ATAD2B: variants seen among roughly 807,000 people sequenced by gnomAD.
ATAD2B encodes the protein ATPase family AAA domain-containing protein 2B.
In ATAD2B, 40 loss-of-function variants were observed where a neutral mutation model predicts 167.6. That is an observed-to-expected ratio of 0.24 (90% CI 0.19 to 0.31). ATAD2B has a LOEUF of 0.31. Among genes scored for constraint, ATAD2B ranks in the 10% least tolerant of loss-of-function variants. ATAD2B has a pLI of 1.00. For missense variants in ATAD2B, 1,242 were observed against 1,757.2 expected, an observed-to-expected ratio of 0.71 and a Z score of 5.24; for synonymous variants, 579 against 596.5, an observed-to-expected ratio of 0.97 and a Z score of 0.43.
In ATAD2B at chr2:23,916,047, T is replaced by C. The variant is rs75412545; in HGVS notation, c.216+10508A>G. On this transcript the variant is annotated intron_variant, in intron 1 of 27. Coordinates refer to ENST00000238789, the MANE Select transcript of ATAD2B (RefSeq NM_017552.4). ...ACTAATTACATTAATAAGTAAAATT[T>C]TGTAACATAGTTTTATACCTTCTGT... Among the ~76,000 whole-genome samples the C allele has an allele frequency of 2.1e-3, 321 of 152,208 alleles. 6 individuals carry two copies. In the East Asian group the frequency reaches 0.05, roughly 24 times the overall value.
chr2:23,702,355 C>T, the ATAD2B span, among the ~76,000 whole-genome samples: 1 of 152,192 alleles, frequency 6.6e-6, no homozygotes, highest in Non-Finnish European at 1.5e-5. Context: ...TAACACAAAG[C>T]CTATTTTATA....
intron 18 of ATAD2B, among the ~76,000 whole-genome samples, chr2:23,799,409 C>T (rs1419564975): frequency 1.3e-5 from 2 of 151,458 alleles, no homozygotes. Flanking sequence ...TCCACCTCTA[C>T]TAAAAATCCA....
rs1680271522 is a variant in ATAD2B at position 23,782,944 on chromosome 2, C to T, written c.3058G>A (p.Ala1020Thr). The T allele has an allele frequency of 6.2e-7, 1 of 1,607,818 alleles. No homozygotes were observed. The highest frequency in any genetic ancestry group is 1.3e-5 in the African/African-American group (1 of 74,870). ...TCAATATCTTTCAGGAAATCCTTTG[C>T]AGTCAGGTAATTATGTTTATCAATT... Reference protein sequence around the residue: ...TKIDKHNYLTAKDFLKDIDLI... With the variant: ...TKIDKHNYLTTKDFLKDIDLI... The change falls in exon 22 of 28, where the codon GCA (alanine) becomes ACA (threonine). Residue 1020 changes from alanine to threonine, a missense_variant. Ala to Thr is a moderately conservative substitution (Grantham distance 58). This residue lies in a region of ATAD2B where 204 missense variants were observed against 324.0 expected (regional missense o/e 0.63). Transcript: ENST00000238789.
intron 18 of ATAD2B, among the ~76,000 whole-genome samples, chr2:23,803,713 T>G (rs1683884116): frequency 6.6e-6 from 1 of 152,228 alleles, no homozygotes; most frequent in Non-Finnish European, 1.5e-5. Context: ...TGTATATTCT[T>G]GTGCATGTAT....
the ATAD2B span, among the ~76,000 whole-genome samples, chr2:23,712,895 G>A: frequency 1.3e-5 from 2 of 152,138 alleles, no homozygotes; most frequent in African/African-American, 2.4e-5. Flanking sequence ...AGAAAATGAG[G>A]ACAGCCTTTG....
intron 1 of ATAD2B, among the ~76,000 whole-genome samples, chr2:23,909,126 T>C (rs541557708): frequency 2.7e-4 from 36 of 135,774 alleles, no homozygotes; most frequent in Non-Finnish European, 4.8e-4. Context: ...AAACTTAAAG[T>C]ATAATAATAA....
intron 6 of ATAD2B, chr2:23,883,729 TAA>T: frequency 8.8e-6 from 5 of 565,842 alleles, no homozygotes; most frequent in Non-Finnish European, 1.4e-5. Context: ...ACAGAATTTT[TAA>T]AAAACATAGT....
chr2:23,828,087 T>C (rs1034246773), intron 15 of ATAD2B, among the ~76,000 whole-genome samples: 13 of 151,896 alleles, frequency 8.6e-5, no homozygotes, highest in African/African-American at 2.9e-4. Context: ...TTTTTTTTTA[T>C]TTATATTTTT....
At chr2:23,694,834 C>A in the ATAD2B span, among the ~76,000 whole-genome samples, 9 of 152,228 alleles carry the variant, frequency 5.9e-5, no homozygotes, top group South Asian at 1.9e-3. Context: ...ACTCCTGCAC[C>A]CACTACAAAC....
intron 1 of ATAD2B, among the ~76,000 whole-genome samples, chr2:23,922,701 C>CAAAA (rs11386515): frequency 5.5e-5 from 7 of 126,472 alleles, no homozygotes; most frequent in Non-Finnish European, 8.1e-5. Flanking sequence ...GACTCTGTCT[C>CAAAA]AAAAAAAAAA....
At chr2:23,772,678 C>T (rs1006496333) in intron 22 of ATAD2B, among the ~76,000 whole-genome samples, 10 of 150,408 alleles carry the variant, frequency 6.6e-5, no homozygotes, top group African/African-American at 2.5e-4. Flanking sequence ...GTATGGAAGA[C>T]AAGGAATATA....
intron 11 of ATAD2B, among the ~76,000 whole-genome samples, chr2:23,863,851 A>G (rs1694772430): frequency 6.6e-6 from 1 of 152,214 alleles, no homozygotes; most frequent in Non-Finnish European, 1.5e-5. Context: ...ATGTAGAAAT[A>G]CTCAAAAGGA....
chr2:23,718,749 C>T, the ATAD2B span, among the ~76,000 whole-genome samples: 1 of 152,210 alleles, frequency 6.6e-6, no homozygotes, highest in African/African-American at 2.4e-5. Context: ...TTGGCCGACC[C>T]GTGTTCTGGA....
rs146277678 is a variant in ATAD2B, at chr2:23,909,966, G to A, written c.217-13996C>T. 5.9e-3 allele frequency among the ~76,000 whole-genome samples: 896 copies of A among 151,510 alleles called. 7 individuals are homozygous for A. Among genetic ancestry groups the A allele is most frequent in the African/African-American group, 0.021 (865 of 41,288 alleles). On this transcript the variant is annotated intron_variant, in intron 1 of 27. Transcript: ENST00000238789. ...CAGCCTCAAACTCCTAGGCTCAAGC[G>A]ATCCTCTCACCTTAGCTTCCCAAGT...
At chr2:23,894,047 T>C (rs972120334) in intron 2 of ATAD2B, among the ~76,000 whole-genome samples, 5 of 152,154 alleles carry the variant, frequency 3.3e-5, no homozygotes. Context: ...TATTCATTAG[T>C]TCAGTTTTTT....
intron 1 of ATAD2B, among the ~76,000 whole-genome samples, chr2:23,910,006 G>A (rs1183974449): frequency 6.6e-6 from 1 of 151,548 alleles, no homozygotes; most frequent in African/African-American, 2.4e-5. Context: ...GAGACTACAG[G>A]CACACACGAC....
At chr2:23,791,430 T>G (rs2161784) in intron 19 of ATAD2B, among the ~76,000 whole-genome samples, 111,573 of 151,696 alleles carry the variant, frequency 0.74, 41,396 homozygotes, top group East Asian at 0.85. Context: ...TTGGTATTCT[T>G]TATTTTTGAT....
At chr2:23,683,753 G>A in the ATAD2B span, among the ~76,000 whole-genome samples, 1 of 152,202 alleles carries the variant, frequency 6.6e-6, no homozygotes, top group South Asian at 2.1e-4. Flanking sequence ...CTGGGACATG[G>A]GAGGAGGCGC....
the ATAD2B span, among the ~76,000 whole-genome samples, chr2:23,693,707 G>A: frequency 6.6e-6 from 1 of 152,194 alleles, no homozygotes; most frequent in Admixed American, 6.5e-5. Context: ...CTCAAGGGCT[G>A]GCATTCCACC....
Sources: allele counts gnomAD v4.1 joint callset (sites outside exome capture counted in the v4.1 genomes callset), GRCh38; gene constraint gnomAD v4.1.1; regional missense constraint gnomAD v4.1.1; transcripts MANE v1.5; gene names NCBI Gene and HGNC (gene_info 2026-07-23, HGNC 2026-07-21).